MAK: variants seen among roughly 807,000 people sequenced by gnomAD.
MAK encodes the protein male germ cell associated kinase, also known as serine/threonine-protein kinase MAK.
In MAK, 65 loss-of-function variants were observed where a neutral mutation model predicts 82.6. The observed-to-expected ratio is 0.79, with a 90% confidence interval of 0.64 to 0.97. MAK has a LOEUF of 0.97. MAK is among the 50% of genes least tolerant of loss of function. MAK has a pLI of 0.00. For missense variants in MAK, 703 were observed against 780.2 expected (o/e 0.90, Z 1.18); for synonymous variants, 250 against 274.2 (o/e 0.91, Z 0.87).
chr6:10,818,205 C>T (rs1182552953), intron 3 of MAK, among the ~76,000 whole-genome samples: 2 of 152,178 alleles, frequency 1.3e-5, no homozygotes, highest in Non-Finnish European at 2.9e-5. Context: ...ACGTTTTTCC[C>T]TTGGTTTATA....
intron 6 of MAK, among the ~76,000 whole-genome samples, chr6:10,805,028 G>A (rs1486736137): frequency 3.3e-5 from 5 of 149,668 alleles, no homozygotes; most frequent in African/African-American, 5.0e-5. Context: ...GGTGAACTGG[G>A]GTGCCTGTGT....
chr6:10,807,902 T>C (rs765154748), intron 6 of MAK, among the ~76,000 whole-genome samples: 4 of 151,904 alleles, frequency 2.6e-5, no homozygotes, highest in Non-Finnish European at 5.9e-5. Flanking sequence ...ACCACGTCTC[T>C]ACTAAAAATA....
At chr6:10,812,145 A>T (rs1350051674) in intron 5 of MAK, among the ~76,000 whole-genome samples, 1 of 152,178 alleles carries the variant, frequency 6.6e-6, no homozygotes, top group Non-Finnish European at 1.5e-5. Context: ...GGCTGCAGTG[A>T]GCCATGATGG....
At chr6:10,829,953 C>T (rs1778658172) in intron 2 of MAK, among the ~76,000 whole-genome samples, 1 of 151,868 alleles carries the variant, frequency 6.6e-6, no homozygotes, top group Non-Finnish European at 1.5e-5. Context: ...TCTCGTGCCT[C>T]AGCCTCCTGA....
intron 2 of MAK, among the ~76,000 whole-genome samples, chr6:10,820,523 A>G (rs1175451475): frequency 6.6e-6 from 1 of 152,242 alleles, no homozygotes; most frequent in Non-Finnish European, 1.5e-5. Flanking sequence ...AAACTACTGC[A>G]TAAGAAAAGC....
chr6:10,789,029 T>C (rs1774844193), intron 10 of MAK, among the ~76,000 whole-genome samples: 1 of 152,140 alleles, frequency 6.6e-6, no homozygotes. Flanking sequence ...TAATACACTC[T>C]GATCCTCAAA....
intron 8 of MAK, among the ~76,000 whole-genome samples, chr6:10,798,438 A>C (rs1242049594): frequency 6.6e-6 from 1 of 152,112 alleles, no homozygotes; most frequent in Non-Finnish European, 1.5e-5. Context: ...AGATACTTTA[A>C]GATACCAGTT....
intron 1 of MAK, among the ~76,000 whole-genome samples, chr6:10,835,721 A>G (rs1779107213): frequency 1.3e-5 from 2 of 152,310 alleles, no homozygotes; most frequent in South Asian, 4.1e-4. Flanking sequence ...ATGACTTGAG[A>G]AGGGAATGGA....
intron 4 of MAK, among the ~76,000 whole-genome samples, chr6:10,816,579 TCTAATCCAGTC>T: frequency 6.6e-6 from 1 of 152,288 alleles, no homozygotes; most frequent in Middle Eastern, 3.4e-3. Context: ...TTTTCAGTAT[TCTAATCCAGTC>T]CTAATCCATC....
intron 8 of MAK, among the ~76,000 whole-genome samples, chr6:10,798,163 A>G (rs973391478): frequency 1.5e-4 from 22 of 142,494 alleles, no homozygotes; most frequent in Admixed American, 3.6e-4. Flanking sequence ...TGTCACCCAG[A>G]CTGGAGTGCA....
At chr6:10,815,942 ATATATG>A (rs1561992004) in intron 4 of MAK, among the ~76,000 whole-genome samples, 8 of 96,604 alleles carry the variant, frequency 8.3e-5, no homozygotes, top group African/African-American at 2.8e-4. Flanking sequence ...ATATATATAT[ATATATG>A]TATGTTTTCT....
Position 10,784,404 on chromosome 6 carries a change from A to G in MAK, c.1465+20T>C, listed in dbSNP as rs1774317515. On this transcript the variant is annotated intron_variant, in intron 11 of 14. Coordinates refer to ENST00000354489, the MANE Select transcript of MAK (RefSeq NM_001242957.3). ...ATCTATACTCTAGTTAGCAGCAAAC[A>G]TTTTCTTTGCTCTACTTACCTGGAA... 6.2e-7 allele frequency: 1 copy of G among 1,613,740 alleles called. No homozygotes were observed. The highest frequency in any genetic ancestry group is 1.1e-5 in the South Asian group (1 of 91,074).
rs180801426 is a variant in MAK, at chr6:10,782,188, C to G, written c.1465+2236G>C. On this transcript the variant is annotated intron_variant, in intron 11 of 14. Transcript: ENST00000354489. ...TGCCACTACACTCCAGCCTGGGCAA[C>G]GAGTGAAACTCTGTCACACACACAC... is the stretch of plus-strand genomic sequence containing the variant. Among the ~76,000 whole-genome samples, 639 of 147,806 alleles carry G rather than the reference C, an allele frequency of 4.3e-3. 5 individuals are homozygous for G. Among genetic ancestry groups the G allele is most frequent in the South Asian group, 0.014 (64 of 4,560 alleles).
intron 2 of MAK, among the ~76,000 whole-genome samples, chr6:10,820,762 TAA>T (rs1214230587): frequency 1.3e-5 from 2 of 152,204 alleles, no homozygotes; most frequent in Non-Finnish European, 2.9e-5. Context: ...ACTAGCTTAT[TAA>T]AAGATACTTT....
intron 12 of MAK, 136 bp downstream of exon 12, chr6:10,775,192 G>T: frequency 1.0e-6 from 1 of 974,944 alleles, no homozygotes; most frequent in Non-Finnish European, 1.6e-6. Context: ...CTACCCATAG[G>T]CAGAGTGTAG....
chr6:10,795,060 C>G (rs192832557), intron 9 of MAK, among the ~76,000 whole-genome samples: 341 of 152,160 alleles, frequency 2.2e-3, no homozygotes, highest in Admixed American at 3.3e-3. Flanking sequence ...TTTAAGAACA[C>G]TGTAAAATGA....
At chr6:10,779,231 G>C (rs1773743290) in intron 11 of MAK, 2 of 615,054 alleles carry the variant, frequency 3.3e-6, no homozygotes, top group Non-Finnish European at 4.1e-6. Flanking sequence ...TCTAGGAGCA[G>C]GGGGTGAGAC....
rs1441955157 is a variant in MAK, at chr6:10,796,338, G to A, written c.832-29C>T. On this transcript the variant is annotated intron_variant, in intron 8 of 14. Coordinates refer to ENST00000354489, the MANE Select transcript of MAK (RefSeq NM_001242957.3). ...TAAAAACACAGAGAAAACAACAAAT[G>A]GAAAACAGTTCCACCTAAATGTATT... 4 of 1,569,722 alleles carry A rather than the reference G, an allele frequency of 2.5e-6. No individual in the cohort carries two copies. The African/African-American group carries it at 5.4e-5, about 21-fold the overall frequency.
In MAK at chr6:10,793,209, G is replaced by C. The variant is rs1429883768; in HGVS notation, c.1144-1362C>G. Among the ~76,000 whole-genome samples, 4 of 152,152 alleles carry C rather than the reference G, an allele frequency of 2.6e-5. No individual in the cohort carries two copies. The highest frequency in any genetic ancestry group is 4.8e-5 in the African/African-American group (2 of 41,422). ...ATATAGACCACACTTTTTCATAAAA[G>C]GCAAACAATGAATTCATTCAGTGTA... On this transcript the variant is annotated intron_variant, in intron 9 of 14. Coordinates refer to ENST00000354489, the MANE Select transcript of MAK (RefSeq NM_001242957.3). This position sits in a 1 kb window ranked among gnomAD's most constrained non-coding sequence, Gnocchi z 4.6.
Sources: allele counts gnomAD v4.1 joint callset (sites outside exome capture counted in the v4.1 genomes callset), GRCh38; gene constraint gnomAD v4.1.1; non-coding constraint Gnocchi (gnomAD v3.1); transcripts MANE v1.5; gene names NCBI Gene and HGNC (gene_info 2026-07-23, HGNC 2026-07-21).